The following MTUS1 variants were observed in gnomAD, a reference collection of about 807,000 sequenced individuals.
The protein encoded by MTUS1 is microtubule-associated tumor suppressor 1.
In MTUS1, 109 loss-of-function variants were observed where a neutral mutation model predicts 120.8. The observed-to-expected ratio is 0.90, with a 90% CI of 0.77 to 1.06. The LOEUF (loss-of-function observed/expected upper bound fraction) is 1.06. Among genes scored for constraint, MTUS1 ranks in the 50% least tolerant of loss-of-function variants. The pLI, the probability that MTUS1 is intolerant of heterozygous loss-of-function variation, is 0.00. For synonymous variants in MTUS1, 737 were observed against 550.5 expected (o/e 1.34, Z -4.74); for missense variants, 2,210 against 1,486.3 (o/e 1.49, Z -8.01).
At chr8:17,653,079 A>G (rs1807378008) in intron 12 of MTUS1, 107 bp downstream of exon 12, 1 of 656,288 alleles carries the variant, frequency 1.5e-6, no homozygotes, top group African/African-American at 1.9e-5. Context: ...AGACATGAGA[A>G]GGATTCCCAA....
intron 8 of MTUS1, among the ~76,000 whole-genome samples, chr8:17,657,659 T>TTA (rs1808686627): frequency 7.3e-6 from 1 of 136,210 alleles, no homozygotes; most frequent in African/African-American, 2.8e-5. Flanking sequence ...CTCTTAAAAT[T>TTA]AAAAAAAAAA....
chr8:17,792,192 G>T (rs770866024), intron 1 of MTUS1, among the ~76,000 whole-genome samples: 3 of 152,098 alleles, frequency 2.0e-5, no homozygotes, highest in Non-Finnish European at 4.4e-5. Flanking sequence ...TAGCTAAATG[G>T]TGAAATACCT....
At chr8:17,790,794 G>A (rs761340043) in intron 1 of MTUS1, among the ~76,000 whole-genome samples, 4 of 152,064 alleles carry the variant, frequency 2.6e-5, no homozygotes, top group East Asian at 1.9e-4. Context: ...CGAGACCAGC[G>A]TGGCCTACAT....
At chr8:17,795,786 C>G (rs552927893) in intron 1 of MTUS1, among the ~76,000 whole-genome samples, 1 of 151,180 alleles carries the variant, frequency 6.6e-6, no homozygotes, top group Non-Finnish European at 1.5e-5. Context: ...ATATAAGCAC[C>G]CACCACCACA....
chr8:17,658,655 TA>T (rs1808992787), intron 8 of MTUS1, among the ~76,000 whole-genome samples: 1 of 152,188 alleles, frequency 6.6e-6, no homozygotes, highest in Admixed American at 6.5e-5. Flanking sequence ...TGGAAAGGAA[TA>T]ACATATCAGG....
At chr8:17,746,325 C>G (rs577782058) in intron 2 of MTUS1, among the ~76,000 whole-genome samples, 6 of 152,274 alleles carry the variant, frequency 3.9e-5, no homozygotes, top group African/African-American at 1.4e-4. Flanking sequence ...TTCTATACAT[C>G]CCAACTCAGC....
chr8:17,702,732 T>C (rs569990608), intron 6 of MTUS1, among the ~76,000 whole-genome samples: 1 of 152,272 alleles, frequency 6.6e-6, no homozygotes, highest in South Asian at 2.1e-4. Flanking sequence ...TGCATAATAC[T>C]CCAGTGCACA....
At chr8:17,780,985 G>A (rs1376994043) in intron 1 of MTUS1, 2 of 152,162 alleles carry the variant, frequency 1.3e-5, no homozygotes, top group Non-Finnish European at 2.9e-5. Context: ...GAGGGGCTGT[G>A]GAAGAATCTA....
intron 1 of MTUS1, among the ~76,000 whole-genome samples, chr8:17,780,055 T>C (rs1425716549): frequency 2.6e-5 from 4 of 152,106 alleles, no homozygotes; most frequent in Non-Finnish European, 4.4e-5. Flanking sequence ...GACTGGGTTA[T>C]GGGGGTGGAT....
chr8:17,701,569 A>G (rs1409781826), intron 6 of MTUS1, among the ~76,000 whole-genome samples: 1 of 151,884 alleles, frequency 6.6e-6, no homozygotes, highest in Non-Finnish European at 1.5e-5. Context: ...TTTTTTTGAG[A>G]CGGAACCTCG....
intron 10 of MTUS1, 49 bp downstream of exon 10, chr8:17,654,512 G>T: frequency 8.4e-7 from 1 of 1,193,378 alleles, no homozygotes; most frequent in South Asian, 1.2e-5. Flanking sequence ...AACATCATGT[G>T]GTTCCTTCAG....
At chr8:17,683,392 C>T (rs754947453) in intron 7 of MTUS1, among the ~76,000 whole-genome samples, 1 of 152,182 alleles carries the variant, frequency 6.6e-6, no homozygotes, top group Non-Finnish European at 1.5e-5. Flanking sequence ...ATTACAGGGG[C>T]CTCTGTATGA....
Position 17,753,854 on chromosome 8 carries a change from C to G in MTUS1, c.1954G>C (p.Glu652Gln). 6.2e-7 allele frequency: 1 copy of G among 1,614,144 alleles called. No individual in the cohort carries two copies. Among genetic ancestry groups the G allele is most frequent in the Non-Finnish European group, 8.5e-7 (1 of 1,180,026 alleles). ...TCAATGTTGGGAACATAGGTCATTT[C>G]CAAACATTCTGCACTTTCCATTTTA... ...PVKMESAECL[E>Q]MTYVPNIDRI... The change falls in exon 2 of 15, where the codon GAA becomes CAA. Residue 652 changes from glutamate (E) to glutamine (Q), a missense_variant. Transcript: ENST00000693296.
intron 8 of MTUS1, among the ~76,000 whole-genome samples, chr8:17,663,466 T>C (rs1810211199): frequency 6.6e-6 from 1 of 152,224 alleles, no homozygotes; most frequent in Non-Finnish European, 1.5e-5. Flanking sequence ...ATTTTAATGC[T>C]CAAGAACATA....
At chr8:17,749,659 CAAAAAAA>C (rs768210060) in intron 2 of MTUS1, among the ~76,000 whole-genome samples, 8 of 76,416 alleles carry the variant, frequency 1.0e-4, no homozygotes, top group Non-Finnish European at 1.1e-4. Context: ...GAATCTGTCT[CAAAAAAA>C]AAAAAAAAAA....
chr8:17,768,784 G>C (rs751540864), intron 1 of MTUS1, among the ~76,000 whole-genome samples: 26 of 151,980 alleles, frequency 1.7e-4, no homozygotes, highest in Non-Finnish European at 3.2e-4. Flanking sequence ...GTCCTGGTGG[G>C]CAGACAGCAT....
At chr8:17,657,621 C>G (rs1215692137) in intron 8 of MTUS1, among the ~76,000 whole-genome samples, 1 of 147,980 alleles carries the variant, frequency 6.8e-6, no homozygotes, top group Non-Finnish European at 1.5e-5. Context: ...GAGTTCATGA[C>G]CAGCCTGGAC....
At position 17,754,140 on chromosome 8, in the gene MTUS1, T is replaced by G; in HGVS notation, c.1668A>C (p.Thr556=). 5 of 1,613,900 alleles carry G rather than the reference T, an allele frequency of 3.1e-6. No individual in the cohort carries two copies. The highest frequency in any genetic ancestry group is 4.2e-6 in the Non-Finnish European group (5 of 1,180,042). The change falls in exon 2 of 15, where the codon ACA becomes ACC. Residue 556 remains threonine, a synonymous_variant. Transcript: ENST00000693296. The stretch of plus-strand genomic sequence containing the variant: ...TGTCTGCATTCAAGTCAGATCTCGG[T>G]GTTCTGCTCAAGACTGTTTGTTGTC... The part of the protein sequence containing the change: ...NSRQQTVLSR[T]PRSDLNADKK...
At chr8:17,670,992 G>A (rs1312439659) in intron 8 of MTUS1, among the ~76,000 whole-genome samples, 21 of 152,010 alleles carry the variant, frequency 1.4e-4, no homozygotes, top group Non-Finnish European at 4.4e-5. Flanking sequence ...TAGGGGGAGG[G>A]GTGTTCCACT....
Sources: gnomAD v4.1 joint callset for allele counts (sites outside exome capture counted in the v4.1 genomes callset) on GRCh38, gnomAD v4.1.1 for gene constraint, MANE v1.5 for transcripts, NCBI Gene and HGNC (gene_info 2026-07-23, HGNC 2026-07-21) for gene names.